Variants in PACS2 observed in about 807,000 individuals in gnomAD.
The protein encoded by PACS2 is PACS1-like protein.
PACS2 carries 36 observed loss-of-function variants against 113.0 expected under a neutral mutation model. The ratio of observed to expected loss-of-function variants is 0.32; its 90% confidence interval spans 0.24 to 0.42. The LOEUF is 0.42. Ranked by LOEUF, PACS2 falls within the 10% of genes least tolerant of loss-of-function variation. The pLI is 1.00. For missense variants in PACS2, 1,015 were observed against 1,239.5 expected (o/e 0.82, Z 2.72); for synonymous variants, 589 against 536.1 (o/e 1.10, Z -1.36).
intron 4 of PACS2, among the ~76,000 whole-genome samples, chr14:105,362,274 T>A (rs143301387): frequency 4.4e-5 from 6 of 136,272 alleles, no homozygotes; most frequent in Non-Finnish European, 8.0e-5. Context: ...AAAAATTAGC[T>A]GGGCGTGGTG....
At chr14:105,342,352 C>CCAA (rs1426768498) in intron 1 of PACS2, among the ~76,000 whole-genome samples, 12 of 152,056 alleles carry the variant, frequency 7.9e-5, no homozygotes, top group African/African-American at 2.2e-4. Context: ...ACTGCAGCCT[C>CCAA]CAACTCCTGG....
intron 11 of PACS2, among the ~76,000 whole-genome samples, chr14:105,380,636 C>T (rs1459797792): frequency 6.6e-6 from 1 of 152,216 alleles, no homozygotes; most frequent in Non-Finnish European, 1.5e-5. Context: ...TCCCCCCACC[C>T]TCAGGTGGAT....
rs2080971597 is a variant in PACS2 at position 105,380,977 on chromosome 14, G to A, written c.1146G>A (p.Glu382=). 1.2e-6 allele frequency: 2 copies of A among 1,611,570 alleles called. No homozygotes were observed. Among genetic ancestry groups the A allele is most frequent in the Admixed American group, 1.7e-5 (1 of 59,920 alleles). The change falls in exon 12 of 25, where the codon GAG becomes GAA. Residue 382 remains glutamate, a synonymous_variant. Coordinates refer to ENST00000447393, the MANE Select transcript of PACS2 (RefSeq NM_001100913.3). ...TVALGVPGPR[E]HPGQPEDSPE... ...AGCAGGGTGTGCCAGGCCCGAGGGA[G>A]CACCCTGGACAGCCTGAGGACAGCC...
Position 105,376,073 on chromosome 14 carries a change from A to G in PACS2, c.802-695A>G, listed in dbSNP as rs1171272604. On this transcript the variant is annotated intron_variant, in intron 8 of 24. Transcript: ENST00000447393. The surrounding 1 kb of genome is among the most constrained non-coding windows in gnomAD (Gnocchi z 4.7). ...CCTGCAGGGGAAATACAAGATGCTT[A>G]TAAAACCATCAGATCTCTTAAGATG... is the stretch of plus-strand genomic sequence containing the variant. 6.6e-6 allele frequency among the ~76,000 whole-genome samples: 1 copy of G among 152,146 alleles called. No homozygotes were observed. Among genetic ancestry groups the G allele is most frequent in the African/African-American group, 2.4e-5 (1 of 41,430 alleles).
At chr14:105,393,167 GC>G in intron 23 of PACS2, 54 bp from the exon 24 acceptor site, 1 of 1,394,518 alleles carries the variant, frequency 7.2e-7, no homozygotes, top group Non-Finnish European at 1.0e-6. Context: ...CCTGGCCCTG[GC>G]CCCAGCCCCG....
At chr14:105,368,616 G>C (rs1242634508) in intron 7 of PACS2, 77 bp downstream of exon 7, 55 of 1,115,464 alleles carry the variant, frequency 4.9e-5, no homozygotes, top group Non-Finnish European at 7.4e-5. Flanking sequence ...GCGTGGGGGG[G>C]ACACGGGCGT....
rs1555417556 is a variant in PACS2, at chr14:105,398,126, T to C, written c.*3454T>C. ...CTATTTCAAGGTGCTGATGCAACAC[T>C]AATAAACCTGGAGGGGCCGGCCCCC... On this transcript the variant is annotated 3_prime_UTR_variant, in exon 25 of 25. Coordinates refer to ENST00000447393, the MANE Select transcript of PACS2 (RefSeq NM_001100913.3). 1 of 152,148 alleles carries C rather than the reference T, an allele frequency of 6.6e-6. No homozygotes were observed. Among genetic ancestry groups the C allele is most frequent in the African/African-American group, 2.4e-5 (1 of 41,438 alleles). The allele number at this position is 152,148 out of a possible 1,614,324, so 9.4% of individuals were successfully genotyped here.
At chr14:105,394,260 G>T in intron 24 of PACS2, 3 of 985,286 alleles carry the variant, frequency 3.0e-6, no homozygotes, top group Non-Finnish European at 3.6e-6. Flanking sequence ...AGCGCCTGGC[G>T]GAAGGTGGTG....
chr14:105,395,263 C>G lies in PACS2; in HGVS notation c.*591C>G, dbSNP rs782681364. On this transcript the variant is annotated 3_prime_UTR_variant, in exon 25 of 25. Transcript: ENST00000447393. ...TCTAATGTAGCTGCCAAACATGTTG[C>G]TCTTCTGAAGTCCCCCTGGGGCTGG... 1 of 152,556 alleles carries G rather than the reference C, an allele frequency of 6.6e-6. No homozygotes were observed. Among genetic ancestry groups the G allele is most frequent in the South Asian group, 2.1e-4 (1 of 4,846 alleles). 9.5% of individuals were successfully genotyped at this position (152,556 alleles called of 1,614,324 possible).
chr14:105,373,585 C>G (rs1044046400), intron 8 of PACS2, among the ~76,000 whole-genome samples: 1 of 152,070 alleles, frequency 6.6e-6, no homozygotes, highest in Non-Finnish European at 1.5e-5. Flanking sequence ...CTGAGGCAGG[C>G]AGATTGCATA....
intron 1 of PACS2, among the ~76,000 whole-genome samples, chr14:105,308,844 C>T (rs1405112733): frequency 6.6e-6 from 1 of 151,976 alleles, no homozygotes; most frequent in African/African-American, 2.4e-5. Flanking sequence ...CACAGTGGTT[C>T]ACACTTGTAA....
intron 6 of PACS2, 142 bp downstream of exon 6, chr14:105,368,289 C>T (rs1555408474): frequency 1.1e-5 from 9 of 806,936 alleles, no homozygotes; most frequent in African/African-American, 3.4e-5. Context: ...GCCCATCTCT[C>T]GTCTCCCGAC....
At chr14:105,309,881 ATTCAAGC>A (rs941754074), upstream of PACS2, among the ~76,000 whole-genome samples, 1 of 141,548 alleles carries the variant, frequency 7.1e-6, no homozygotes, top group African/African-American at 2.7e-5. The surrounding 1 kb of genome is among the most constrained non-coding windows in gnomAD (Gnocchi z 4.0). Flanking sequence ...CGCCTCCTGG[ATTCAAGC>A]AATTCTCCTG....
At chr14:105,379,419 G>T (rs1335506538) in intron 9 of PACS2, among the ~76,000 whole-genome samples, 1 of 152,236 alleles carries the variant, frequency 6.6e-6, no homozygotes, top group African/African-American at 2.4e-5. Context: ...CGTGTTTGTG[G>T]CAGCCTTGCC....
chr14:105,350,996 C>A (rs1014583603), intron 2 of PACS2, among the ~76,000 whole-genome samples: 2 of 152,236 alleles, frequency 1.3e-5, no homozygotes, highest in Non-Finnish European at 1.5e-5. Context: ...AGCCCGAGTA[C>A]GGCCATGCGG....
At chr14:105,327,672 G>GAC (rs778582076) in intron 1 of PACS2, among the ~76,000 whole-genome samples, 1 of 152,232 alleles carries the variant, frequency 6.6e-6, no homozygotes, top group Non-Finnish European at 1.5e-5. Flanking sequence ...GACTGCACCT[G>GAC]ACTCTGGTGG....
upstream of PACS2, among the ~76,000 whole-genome samples, chr14:105,313,730 G>A (rs931245755): frequency 1.5e-4 from 23 of 152,242 alleles, no homozygotes; most frequent in African/African-American, 5.3e-4. Flanking sequence ...AGGGCGAAGA[G>A]AAAAGCAACT....
Position 105,348,600 on chromosome 14 carries a change from C to A in PACS2, c.207+20C>A. The A allele has an allele frequency of 5.1e-6, 8 of 1,560,108 alleles. No homozygotes were observed. Among genetic ancestry groups the A allele is most frequent in the Non-Finnish European group, 7.1e-6 (8 of 1,133,474 alleles). On this transcript the variant is annotated intron_variant, in intron 2 of 24. Transcript: ENST00000447393. This position sits in a 1 kb window ranked among gnomAD's most constrained non-coding sequence, Gnocchi z 6.4. The stretch of plus-strand genomic sequence containing the variant: ...ATGCAGGTGAGGCCGCTTGTGACCC[C>A]GGCTGTGGCTGGGTGCTGTGTAGGC...
intron 1 of PACS2, among the ~76,000 whole-genome samples, chr14:105,305,133 G>C (rs1566883163): frequency 6.6e-6 from 1 of 152,212 alleles, no homozygotes; most frequent in Non-Finnish European, 1.5e-5. Flanking sequence ...GGGCACAGTG[G>C]CTCACATCTG....
Sources: allele counts gnomAD v4.1 joint callset (sites outside exome capture counted in the v4.1 genomes callset), GRCh38; gene constraint gnomAD v4.1.1; non-coding constraint Gnocchi (gnomAD v3.1); transcripts MANE v1.5; gene names NCBI Gene and HGNC (gene_info 2026-07-23, HGNC 2026-07-21).